COL5A1: variants seen among roughly 807,000 people sequenced by gnomAD.
The protein encoded by COL5A1 is collagen alpha-1(V) chain.
Under a neutral mutation model 263.7 loss-of-function variants are expected in COL5A1, and 16 were observed. The ratio of observed to expected loss-of-function variants is 0.06; its 90% CI spans 0.04 to 0.09. The LOEUF (loss-of-function observed/expected upper bound fraction) is 0.09, where lower values mean the gene tolerates loss of function less well. Ranked by LOEUF, COL5A1 falls within the 10% of genes least tolerant of loss-of-function variation. The pLI is 1.00. For synonymous variants in COL5A1, 1,012 were observed against 1,004.5 expected (o/e 1.01, Z -0.14); for missense variants, 2,036 against 2,540.5 (o/e 0.80, Z 4.27).
chr9:134,814,160 T>A, intron 49 of COL5A1, 124 bp downstream of exon 49: 1 of 941,234 alleles, frequency 1.1e-6, no homozygotes, highest in East Asian at 2.7e-5. Flanking sequence ...TTGTAACCCC[T>A]CTTGTGCCCA....
chr9:134,835,584 A>C (rs1465150398), intron 65 of COL5A1, among the ~76,000 whole-genome samples: 2 of 152,210 alleles, frequency 1.3e-5, no homozygotes, highest in African/African-American at 4.8e-5. Context: ...AGTGGCCAGA[A>C]CTAAGCTGGG....
At chr9:134,790,015 A>G (rs1179394491) in intron 32 of COL5A1, among the ~76,000 whole-genome samples, 1 of 152,124 alleles carries the variant, frequency 6.6e-6, no homozygotes, top group Non-Finnish European at 1.5e-5. Context: ...ATGCTCCCCG[A>G]AAGATGGCAG....
chr9:134,671,981 G>A (rs1265656386), intron 1 of COL5A1, among the ~76,000 whole-genome samples: 1 of 152,234 alleles, frequency 6.6e-6, no homozygotes, highest in Non-Finnish European at 1.5e-5. Context: ...AGGACACTTG[G>A]TGTGGGGGGG....
In COL5A1 at chr9:134,754,125, G is replaced by A; in HGVS notation, c.1774-148G>A. 1 of 886,588 alleles carries A rather than the reference G, an allele frequency of 1.1e-6. No homozygotes were observed. The highest frequency in any genetic ancestry group is 1.8e-6 in the Non-Finnish European group (1 of 549,272). The allele number at this position is 886,588 out of a possible 1,614,324, so 54.9% of individuals were successfully genotyped here. A position where few individuals can be genotyped will look rare whatever the true frequency, so the allele number is the denominator to read the frequency against. ...TCCCTGGCCTTCATTCTGGGCAGCA[G>A]ATCCGTGTCCCGTCCCCGAAGTGCC... On this transcript the variant is annotated intron_variant, in intron 15 of 65. Coordinates refer to ENST00000371817, the MANE Select transcript of COL5A1 (RefSeq NM_000093.5). This position sits in a 1 kb window ranked among gnomAD's most constrained non-coding sequence, Gnocchi z 4.3.
Position 134,815,646 on chromosome 9 carries a change from G to C in COL5A1, c.4068+17G>C. The C allele has an allele frequency of 6.2e-7, 1 of 1,612,678 alleles. No homozygotes were observed. Among genetic ancestry groups the C allele is most frequent in the Non-Finnish European group, 8.5e-7 (1 of 1,179,546 alleles). On this transcript the variant is annotated intron_variant, in intron 51 of 65. Coordinates refer to ENST00000371817, the MANE Select transcript of COL5A1 (RefSeq NM_000093.5). ...GGCCCCGCGGTAGGTGCTCAAGAGG[G>C]CAAAGCCACCGGATCCCCCACAGTG...
chr9:134,762,914 C>T (rs568889733), intron 19 of COL5A1, among the ~76,000 whole-genome samples: 1 of 152,016 alleles, frequency 6.6e-6, no homozygotes, highest in East Asian at 1.9e-4. Context: ...TGGCTGTGTG[C>T]ATGTGTATGT....
intron 1 of COL5A1, among the ~76,000 whole-genome samples, chr9:134,659,937 T>C (rs940672892): frequency 6.6e-6 from 1 of 152,160 alleles, no homozygotes; most frequent in Non-Finnish European, 1.5e-5. Flanking sequence ...GCTGCCTGTT[T>C]AGTTTCAGCC....
chr9:134,771,662 C>T (rs1169521806), intron 25 of COL5A1, among the ~76,000 whole-genome samples: 1 of 152,226 alleles, frequency 6.6e-6, no homozygotes, highest in Non-Finnish European at 1.5e-5. Flanking sequence ...TAGAAAGAGT[C>T]TCAGATCAAC....
intron 1 of COL5A1, among the ~76,000 whole-genome samples, chr9:134,645,452 A>G (rs1336520839): frequency 6.6e-6 from 1 of 152,194 alleles, no homozygotes; most frequent in East Asian, 1.9e-4. Context: ...TGAGTCCCCA[A>G]CACTTCCCGA....
intron 2 of COL5A1, 80 bp from the exon 3 acceptor site, chr9:134,699,829 G>C: frequency 7.2e-7 from 1 of 1,397,516 alleles, no homozygotes; most frequent in South Asian, 1.2e-5. Flanking sequence ...GTCCCGGGCT[G>C]GCTTGTTTGC....
At chr9:134,784,948 G>GT (rs201808952) in intron 29 of COL5A1, 41 bp from the exon 30 acceptor site, 1 of 1,439,396 alleles carries the variant, frequency 6.9e-7, no homozygotes, top group African/African-American at 1.6e-5. Flanking sequence ...TAGTGTGTGT[G>GT]CGGGGGGTGG....
rs189206339 is a variant in COL5A1 at position 134,831,673 on chromosome 9, G to A, written c.5136+1629G>A. Reference sequence around the variant, plus strand: ...CTGCGCTTGGCACTGCCCTCTCCCCGCAATGACAGCTCTCAGCCTCCAAAA... The same window carrying A: ...CTGCGCTTGGCACTGCCCTCTCCCCACAATGACAGCTCTCAGCCTCCAAAA... On this transcript the variant is annotated intron_variant, in intron 64 of 65. Coordinates refer to ENST00000371817, the MANE Select transcript of COL5A1 (RefSeq NM_000093.5). Among the ~76,000 whole-genome samples, 8 of 152,290 alleles carry A rather than the reference G, an allele frequency of 5.3e-5. No individual in the cohort carries two copies. In the East Asian group the frequency reaches 7.7e-4, roughly 15 times the overall value.
Position 134,700,196 on chromosome 9 carries a change from G to T in COL5A1, c.491+74G>T. On this transcript the variant is annotated intron_variant, in intron 3 of 65. Coordinates refer to ENST00000371817, the MANE Select transcript of COL5A1 (RefSeq NM_000093.5). The surrounding 1 kb of genome is among the most constrained non-coding windows in gnomAD (Gnocchi z 4.0). Reference sequence around the variant, plus strand: ...GGCCAGCTCATACCACTGACCAGATGTGGGGCACAGTAGAGGACGTGCAGC... The same window carrying T: ...GGCCAGCTCATACCACTGACCAGATTTGGGGCACAGTAGAGGACGTGCAGC... 1 of 1,403,528 alleles carries T rather than the reference G, an allele frequency of 7.1e-7. No individual in the cohort carries two copies. The allele number at this position is 1,403,528 out of a possible 1,614,324, so 86.9% of individuals were successfully genotyped here.
intron 4 of COL5A1, among the ~76,000 whole-genome samples, chr9:134,701,567 G>A (rs1000501033): frequency 4.6e-5 from 7 of 152,214 alleles, no homozygotes; most frequent in Admixed American, 1.3e-4. Flanking sequence ...GGCAGTGGCC[G>A]CCCTTGTCCC....
Position 134,765,688 on chromosome 9 carries a change from G to A in COL5A1, c.2042G>A (p.Arg681His), listed in dbSNP as rs371580094. ...TTCCCTTTCCTCTTACAGGGGCCACGTGGTCTGCTTGGGCCGAAGGGGCCC... is the reference window on the plus strand; with the variant it reads ...TTCCCTTTCCTCTTACAGGGGCCACATGGTCTGCTTGGGCCGAAGGGGCCC... ...PRGLPGEPGP[R>H]GLLGPKGPPG... The change falls in exon 21 of 66, where the codon CGT becomes CAT. Residue 681 changes from arginine to histidine, a missense_variant. Transcript: ENST00000371817. The surrounding 1 kb of genome is among the most constrained non-coding windows in gnomAD (Gnocchi z 5.1). 1.6e-5 allele frequency: 26 copies of A among 1,613,558 alleles called. No homozygotes were observed. Among genetic ancestry groups the A allele is most frequent in the Admixed American group, 1.3e-4 (8 of 59,984 alleles).
intron 4 of COL5A1, among the ~76,000 whole-genome samples, chr9:134,717,882 C>T (rs984838958): frequency 6.6e-6 from 1 of 151,074 alleles, no homozygotes; most frequent in Admixed American, 6.6e-5. Context: ...GCCAGGCAGT[C>T]ATGGGGGGGC....
intron 36 of COL5A1, 114 bp from the exon 37 acceptor site, chr9:134,798,294 G>A: frequency 1.1e-6 from 1 of 940,930 alleles, no homozygotes; most frequent in Non-Finnish European, 1.7e-6. Context: ...TTTCTCAGAG[G>A]ATGTGCAGGG....
At position 134,701,309 on chromosome 9, in the gene COL5A1, G is replaced by C; in HGVS notation, c.630G>C (p.Arg210=). 1 of 1,613,906 alleles carries C rather than the reference G, an allele frequency of 6.2e-7. No homozygotes were observed. Residue 210 remains arginine, a synonymous_variant, in exon 4 of 66, where the codon CGG becomes CGC. Transcript: ENST00000371817. ...DINGIIVFGT[R]ILDEEVFEGD... ...ATGGCATCATCGTGTTTGGCACCCG[G>C]ATCCTGGATGAGGAGGTGTTTGAGG...
At chr9:134,713,113 T>C (rs954620564) in intron 4 of COL5A1, among the ~76,000 whole-genome samples, 1 of 152,238 alleles carries the variant, frequency 6.6e-6, no homozygotes, top group Non-Finnish European at 1.5e-5. Flanking sequence ...GAAGTGCAGG[T>C]TTTCCTGCGA....
Sources: allele counts gnomAD v4.1 joint callset (sites outside exome capture counted in the v4.1 genomes callset), GRCh38; gene constraint gnomAD v4.1.1; non-coding constraint Gnocchi (gnomAD v3.1); transcripts MANE v1.5; gene names NCBI Gene and HGNC (gene_info 2026-07-23, HGNC 2026-07-21).